The following MAPK9 variants were observed in gnomAD, a reference collection of about 807,000 sequenced individuals.
MAPK9 encodes the protein Jun kinase.
MAPK9 carries 30 observed loss-of-function variants against 57.1 expected under a neutral mutation model. That is an observed-to-expected ratio of 0.53 (90% CI 0.39 to 0.71). MAPK9 has a LOEUF of 0.71. Among genes scored for constraint, MAPK9 ranks in the 30% least tolerant of loss-of-function variants. The pLI, the probability that MAPK9 is intolerant of heterozygous loss-of-function variation, is 0.00. For missense variants in MAPK9, 362 were observed against 521.0 expected, an observed-to-expected ratio of 0.69 and a Z score of 2.97; for synonymous variants, 155 against 177.0, an observed-to-expected ratio of 0.88 and a Z score of 0.99.
chr5:180,244,430 T>A (rs985259498), intron 7 of MAPK9, among the ~76,000 whole-genome samples: 1 of 152,168 alleles, frequency 6.6e-6, no homozygotes, highest in Non-Finnish European at 1.5e-5. Context: ...TGCTTTCCTT[T>A]GGCCCTACCT....
intron 3 of MAPK9, among the ~76,000 whole-genome samples, chr5:180,267,545 G>C (rs1259034849): frequency 5.6e-5 from 7 of 125,262 alleles, no homozygotes; most frequent in African/African-American, 1.8e-4. Flanking sequence ...TTGGGCGACA[G>C]AGCGAGACTC....
intron 3 of MAPK9, among the ~76,000 whole-genome samples, chr5:180,268,030 T>C (rs1760838711): frequency 6.6e-6 from 1 of 152,090 alleles, no homozygotes; most frequent in Admixed American, 6.6e-5. Context: ...TTCACCATGT[T>C]AGCCAGGATG....
intron 7 of MAPK9, among the ~76,000 whole-genome samples, chr5:180,244,483 A>G (rs1282078445): frequency 6.6e-6 from 1 of 152,070 alleles, no homozygotes; most frequent in Non-Finnish European, 1.5e-5. Flanking sequence ...AAACTTCCAT[A>G]AAGAGCTGTC....
intron 2 of MAPK9, among the ~76,000 whole-genome samples, chr5:180,273,258 C>G (rs1184676586): frequency 6.6e-6 from 1 of 152,126 alleles, no homozygotes; most frequent in African/African-American, 2.4e-5. Flanking sequence ...ATATTCTGAA[C>G]AAGAGATTTT....
intron 7 of MAPK9, chr5:180,246,564 T>A (rs1758124315): frequency 1.3e-5 from 2 of 152,126 alleles, no homozygotes; most frequent in South Asian, 4.1e-4. Flanking sequence ...GGAGACCAAT[T>A]TAAACTTTCA....
chr5:180,252,340 A>G (rs1758799118), intron 5 of MAPK9, among the ~76,000 whole-genome samples: 1 of 152,166 alleles, frequency 6.6e-6, no homozygotes, highest in Non-Finnish European at 1.5e-5. Flanking sequence ...CTTGACATGC[A>G]CAGCAGCTGC....
chr5:180,263,629 TC>T (rs1760213712), intron 4 of MAPK9, among the ~76,000 whole-genome samples: 1 of 151,696 alleles, frequency 6.6e-6, no homozygotes, highest in Non-Finnish European at 1.5e-5. Context: ...CAGGCGGGCA[TC>T]CACTGCTGTC....
chr5:180,263,550 T>C (rs1760204711), intron 4 of MAPK9, among the ~76,000 whole-genome samples: 1 of 151,986 alleles, frequency 6.6e-6, no homozygotes, highest in South Asian at 2.1e-4. Context: ...GCTTGTGGTG[T>C]TCACCCTCTT....
intron 9 of MAPK9, 91 bp downstream of exon 9, chr5:180,240,940 C>T (rs983132353): frequency 2.9e-6 from 4 of 1,392,544 alleles, no homozygotes; most frequent in Non-Finnish European, 2.8e-6. Context: ...GAACTTGCTA[C>T]CCATATGTAG....
In MAPK9 at chr5:180,249,079, A is replaced by G; in HGVS notation, c.510T>C (p.Phe170=). 1 of 1,613,990 alleles carries G rather than the reference A, an allele frequency of 6.2e-7. No individual in the cohort carries two copies. Among genetic ancestry groups the G allele is most frequent in the Non-Finnish European group, 8.5e-7 (1 of 1,179,924 alleles). The change falls in exon 6 of 12, where the codon TTT becomes TTC. Residue 170 remains phenylalanine (F), a synonymous_variant. Transcript: ENST00000452135. The part of the protein sequence containing the change: ...KSDCTLKILD[F]GLARTACTNF... ...TAGTGCACGCTGTCCGGGCCAGGCC[A>G]AAGTCAAGGATCTTCAGGGTGCAGT...
intron 1 of MAPK9, among the ~76,000 whole-genome samples, chr5:180,287,418 A>G (rs1762870089): frequency 6.6e-6 from 1 of 152,234 alleles, no homozygotes; most frequent in Non-Finnish European, 1.5e-5. Flanking sequence ...AAATATGGAA[A>G]GAAAAAAGAG....
At chr5:180,262,345 G>GC (rs34573111) in intron 4 of MAPK9, among the ~76,000 whole-genome samples, 1 of 149,024 alleles carries the variant, frequency 6.7e-6, no homozygotes, top group East Asian at 2.1e-4. Flanking sequence ...GCTTAGCAAC[G>GC]CCCCGATTCT....
intron 2 of MAPK9, among the ~76,000 whole-genome samples, chr5:180,279,016 G>A: frequency 6.8e-6 from 1 of 147,950 alleles, no homozygotes; most frequent in East Asian, 2.0e-4. Context: ...GGAGTGCAGT[G>A]GCGCGATCTT....
intron 9 of MAPK9, 98 bp downstream of exon 9, chr5:180,240,933 C>T: frequency 7.4e-7 from 1 of 1,348,864 alleles, no homozygotes; most frequent in Non-Finnish European, 9.7e-7. Context: ...AAATGGAGAA[C>T]TTGCTACCCA....
At chr5:180,238,143 GC>G in intron 11 of MAPK9, 188 bp downstream of exon 11, 1 of 439,936 alleles carries the variant, frequency 2.3e-6, no homozygotes. Context: ...GGTGGCGCGT[GC>G]CTGTAGTCCC....
At chr5:180,259,823 G>A (rs1759733596) in intron 5 of MAPK9, among the ~76,000 whole-genome samples, 1 of 152,218 alleles carries the variant, frequency 6.6e-6, no homozygotes, top group African/African-American at 2.4e-5. Flanking sequence ...CCCTATGACT[G>A]TAAGGCATGT....
chr5:180,289,525 C>A (rs770975822), intron 1 of MAPK9, among the ~76,000 whole-genome samples: 1 of 152,178 alleles, frequency 6.6e-6, no homozygotes. Flanking sequence ...AGGAAAGAAT[C>A]CTTATCTGGG....
At position 180,247,363 on chromosome 5, in the gene MAPK9, G is replaced by A. The variant is rs773721900; in HGVS notation, c.688+76C>T. On this transcript the variant is annotated intron_variant, in intron 7 of 11. Coordinates refer to ENST00000452135, the MANE Select transcript of MAPK9 (RefSeq NM_002752.5). The surrounding 1 kb of genome is among the most constrained non-coding windows in gnomAD (Gnocchi z 4.5). The stretch of plus-strand genomic sequence containing the variant: ...ATTTTACGACTTTGTCCTCGTGAGC[G>A]CTCGTGTAAGCAGGTGGTCATGCTG... 123 of 1,552,332 alleles carry A rather than the reference G, an allele frequency of 7.9e-5. No homozygotes were observed. Among genetic ancestry groups the A allele is most frequent in the Non-Finnish European group, 1.0e-4 (117 of 1,124,282 alleles).
intron 1 of MAPK9, among the ~76,000 whole-genome samples, chr5:180,288,065 C>T (rs935567818): frequency 1.3e-5 from 2 of 152,172 alleles, no homozygotes; most frequent in Non-Finnish European, 2.9e-5. Flanking sequence ...GCAACACGGA[C>T]GAGCAGAGAG....
Sources: gnomAD v4.1 joint callset for allele counts (sites outside exome capture counted in the v4.1 genomes callset) on GRCh38, gnomAD v4.1.1 for gene constraint, Gnocchi (gnomAD v3.1) non-coding constraint, MANE v1.5 for transcripts, NCBI Gene and HGNC (gene_info 2026-07-23, HGNC 2026-07-21) for gene names.